The following RBM19 variants were observed in gnomAD, a reference collection of about 807,000 sequenced individuals.
The protein encoded by RBM19 is probable RNA-binding protein 19.
Under a neutral mutation model 116.8 loss-of-function variants are expected in RBM19, and 94 were observed. That is an observed-to-expected ratio of 0.80 (90% CI 0.68 to 0.95). The LOEUF (loss-of-function observed/expected upper bound fraction) is 0.95. RBM19 is among the 40% of genes least tolerant of loss of function. The pLI, the probability that RBM19 is intolerant of heterozygous loss-of-function variation, is 0.00. For synonymous variants in RBM19, 475 were observed against 494.1 expected (o/e 0.96, Z 0.51); for missense variants, 1,161 against 1,220.7 (o/e 0.95, Z 0.73).
chr12:113,955,147 G>C lies in RBM19; in HGVS notation c.905C>G (p.Pro302Arg). ...AGCACATACCTCTGTGACATTGAACGGGGCTCCCCGCAGCTTCACGGTGTG... is the reference window on the plus strand; with the variant it reads ...AGCACATACCTCTGTGACATTGAACCGGGCTCCCCGCAGCTTCACGGTGTG... ...TCHTVKLRGAPFNVTEKNVME... is the reference protein window; with the variant it reads ...TCHTVKLRGARFNVTEKNVME... Residue 302 changes from proline (P) to arginine (R), a missense_variant, in exon 7 of 24, where the codon CCG becomes CGG. By Grantham distance (103) the Pro-to-Arg change is moderately radical (BLOSUM62 -2). Coordinates refer to ENST00000261741, the MANE Select transcript of RBM19 (RefSeq NM_016196.4). 6.2e-7 allele frequency: 1 copy of C among 1,614,018 alleles called. No homozygotes were observed. Among genetic ancestry groups the C allele is most frequent in the Non-Finnish European group, 8.5e-7 (1 of 1,179,968 alleles).
chr12:113,904,666 C>T (rs1211781374), intron 21 of RBM19, among the ~76,000 whole-genome samples: 2 of 152,168 alleles, frequency 1.3e-5, no homozygotes, highest in East Asian at 1.9e-4. Context: ...AACAGGAATG[C>T]TCACAGAAGC....
intron 21 of RBM19, among the ~76,000 whole-genome samples, chr12:113,862,880 C>G (rs60129048): frequency 2.6e-5 from 4 of 152,166 alleles, no homozygotes; most frequent in Non-Finnish European, 5.9e-5. Flanking sequence ...GCTCACACTT[C>G]GGTAACAAAC....
intron 21 of RBM19, among the ~76,000 whole-genome samples, chr12:113,861,138 C>G (rs1466079709): frequency 6.6e-6 from 1 of 152,210 alleles, no homozygotes; most frequent in Non-Finnish European, 1.5e-5. Flanking sequence ...ACGTTAAGCC[C>G]AAGCTCTCTT....
At chr12:113,927,456 G>A (rs1869189559) in intron 16 of RBM19, 1 of 523,798 alleles carries the variant, frequency 1.9e-6, no homozygotes, top group Non-Finnish European at 3.3e-6. Context: ...AAAGAGAAAG[G>A]AATACAAAAC....
rs1484350029 is a variant in RBM19 at position 113,966,219 on chromosome 12, T to C, written c.9A>G (p.Arg3=). The C allele has an allele frequency of 6.2e-7, 1 of 1,614,278 alleles. No homozygotes were observed. The highest frequency in any genetic ancestry group is 8.5e-7 in the Non-Finnish European group (1 of 1,180,048). Residue 3 remains arginine, a synonymous_variant, in exon 1 of 24, where the codon CGA becomes CGG. Coordinates refer to ENST00000261741, the MANE Select transcript of RBM19 (RefSeq NM_016196.4). ...CATTCGGGAGATTCTTCACGATCAG[T>C]CGCGACATGGCGCAGGGTCCCCGCT... MS[R]LIVKNLPNGM...
At chr12:113,854,936 G>A (rs11613892) in intron 22 of RBM19, among the ~76,000 whole-genome samples, 19,961 of 152,280 alleles carry the variant, frequency 0.13, 1,297 homozygotes, top group African/African-American at 0.14. Flanking sequence ...CAGCGCGCTC[G>A]CGGGAGCCTC....
intron 23 of RBM19, among the ~76,000 whole-genome samples, chr12:113,838,012 C>A (rs757399650): frequency 5.9e-5 from 9 of 152,218 alleles, no homozygotes; most frequent in Non-Finnish European, 8.8e-5. Context: ...AAATATTAAA[C>A]ACTGAAATAA....
At chr12:113,880,463 GCTCTT>G (rs1880028390) in intron 21 of RBM19, among the ~76,000 whole-genome samples, 1 of 152,214 alleles carries the variant, frequency 6.6e-6, no homozygotes, top group Non-Finnish European at 1.5e-5. Context: ...AGGTACGACA[GCTCTT>G]GTTCTGTGAG....
chr12:113,940,201 A>AG, intron 14 of RBM19, 41 bp from the exon 15 acceptor site: 1 of 1,580,372 alleles, frequency 6.3e-7, no homozygotes. Flanking sequence ...CACAGGAGGG[A>AG]GGAGGGTCCC....
intron 10 of RBM19, among the ~76,000 whole-genome samples, chr12:113,947,770 C>G (rs998906203): frequency 1.3e-5 from 2 of 152,240 alleles, no homozygotes; most frequent in African/African-American, 4.8e-5. Flanking sequence ...GTGCACTAAA[C>G]AGTGCCTGCT....
chr12:113,926,922 G>T, intron 17 of RBM19, 132 bp downstream of exon 17: 1 of 1,038,664 alleles, frequency 9.6e-7, no homozygotes, highest in Non-Finnish European at 1.4e-6. Context: ...TCAAGTAGGT[G>T]GTGCTGGTTA....
At chr12:113,871,579 T>C (rs1272268086) in intron 21 of RBM19, among the ~76,000 whole-genome samples, 11 of 152,218 alleles carry the variant, frequency 7.2e-5, no homozygotes, top group Non-Finnish European at 2.9e-5. Flanking sequence ...TGAAACTTTA[T>C]TTACCAAAAC....
intron 21 of RBM19, among the ~76,000 whole-genome samples, chr12:113,911,799 G>A (rs181778261): frequency 5.3e-5 from 8 of 152,218 alleles, no homozygotes; most frequent in African/African-American, 1.7e-4. Context: ...GCACGGGGCC[G>A]GGGACATGAG....
intron 21 of RBM19, among the ~76,000 whole-genome samples, chr12:113,896,431 C>T (rs995074501): frequency 5.3e-5 from 8 of 152,246 alleles, no homozygotes; most frequent in Non-Finnish European, 1.0e-4. Context: ...GCTCCGCCCC[C>T]CATGGGAGGG....
intron 18 of RBM19, 26 bp downstream of exon 18, chr12:113,924,671 C>T (rs1349540424): frequency 2.0e-6 from 3 of 1,523,098 alleles, no homozygotes; most frequent in South Asian, 2.2e-5. Context: ...GAATACTGAA[C>T]ACTTTCCGAA....
chr12:113,869,606 G>A (rs1007310963), intron 21 of RBM19, among the ~76,000 whole-genome samples: 2 of 152,102 alleles, frequency 1.3e-5, no homozygotes, highest in Non-Finnish European at 2.9e-5. Flanking sequence ...TAATGAAATC[G>A]TTACTAAAAT....
chr12:113,886,849 C>T (rs1035245526), intron 21 of RBM19, among the ~76,000 whole-genome samples: 5 of 152,118 alleles, frequency 3.3e-5, no homozygotes, highest in Admixed American at 6.5e-5. Context: ...ACACAGGCCA[C>T]GCAGCCCAAG....
chr12:113,835,468 G>A (rs1729451976), intron 23 of RBM19, among the ~76,000 whole-genome samples: 1 of 152,148 alleles, frequency 6.6e-6, no homozygotes, highest in Non-Finnish European at 1.5e-5. Flanking sequence ...GCATGACAAG[G>A]GAATCACGAA....
chr12:113,820,070 G>A (rs111793942), downstream of RBM19, among the ~76,000 whole-genome samples: 202 of 152,168 alleles, frequency 1.3e-3, 2 homozygotes, highest in African/African-American at 3.7e-3. Flanking sequence ...GGGGCTGGGT[G>A]TAAAGAGGAG....
Sources: gnomAD v4.1 joint callset for allele counts (sites outside exome capture counted in the v4.1 genomes callset) on GRCh38, gnomAD v4.1.1 for gene constraint, MANE v1.5 for transcripts, NCBI Gene and HGNC (gene_info 2026-07-23, HGNC 2026-07-21) for gene names.